The following TFRC variants were observed in gnomAD, a reference collection of about 807,000 sequenced individuals.
TFRC encodes the protein transferrin receptor protein 1.
In TFRC, 35 loss-of-function variants were observed where a neutral mutation model predicts 85.8. The ratio of observed to expected loss-of-function variants is 0.41; its 90% CI spans 0.31 to 0.54. TFRC has a LOEUF of 0.54. Among genes scored for constraint, TFRC ranks in the 20% least tolerant of loss-of-function variants. The pLI is 0.31. For synonymous variants in TFRC, 362 were observed against 328.6 expected (o/e 1.10, Z -1.10); for missense variants, 828 against 921.5 (o/e 0.90, Z 1.31).
rs761126811 is a variant in TFRC at position 196,060,216 on chromosome 3, T to C, written c.1500A>G (p.Pro500=). The change falls in exon 14 of 19, where the codon CCA becomes CCG. Residue 500 remains proline, a synonymous_variant. Transcript: ENST00000360110. The part of the protein sequence containing the change: ...GTSNFKVSAS[P]LLYTLIEKTM... ...TTTTCTCAATAAGCGTATACAACAG[T>C]GGGCTGGCAGAAACCTTGAAGTTGC... The C allele has an allele frequency of 8.7e-6, 14 of 1,614,108 alleles. No homozygotes were observed. The South Asian group carries it at 1.5e-4, about 18-fold the overall frequency.
Position 196,065,434 on chromosome 3 carries a change from G to GGGGGGGGGT in TFRC, c.1198+8_1198+9insACCCCCCCC, listed in dbSNP as rs2108646724. The stretch of plus-strand genomic sequence containing the variant: ...AAGCGGGGCGGGGGGGGGGGGGGGC[G>GGGGGGGGGT]GTCTTTACCTGGTTCTACAAAGCCT... On this transcript the variant is annotated intron_variant, in intron 10 of 18. Coordinates refer to ENST00000360110, the MANE Select transcript of TFRC (RefSeq NM_001128148.3). The GGGGGGGGGT allele has an allele frequency of 4.8e-6, 3 of 621,578 alleles. No homozygotes were observed. The highest frequency in any genetic ancestry group is 5.4e-5 in the Admixed American group (1 of 18,544). The allele number at this position is 621,578 out of a possible 1,614,324, so 38.5% of individuals were successfully genotyped here.
intron 3 of TFRC, 104 bp downstream of exon 3, chr3:196,075,046 CAAAAAAAAA>C: frequency 2.3e-5 from 12 of 529,630 alleles, no homozygotes; most frequent in Non-Finnish European, 3.2e-5. Context: ...CCTCTGTCTC[CAAAAAAAAA>C]AAAAAAAAAA....
At chr3:196,052,877 C>A (rs1490179696) in intron 18 of TFRC, among the ~76,000 whole-genome samples, 1 of 152,012 alleles carries the variant, frequency 6.6e-6, no homozygotes, top group Non-Finnish European at 1.5e-5. Context: ...CTTTGGGAGG[C>A]CAAGGCAGGT....
At chr3:196,078,999 T>G (rs1297460636) in intron 1 of TFRC, among the ~76,000 whole-genome samples, 1 of 152,064 alleles carries the variant, frequency 6.6e-6, no homozygotes, top group Admixed American at 6.6e-5. Context: ...GTCTGGAACT[T>G]CTGACCTAGG....
At chr3:196,069,362 T>G in intron 7 of TFRC, 93 bp downstream of exon 7, 1 of 767,402 alleles carries the variant, frequency 1.3e-6, no homozygotes, top group Non-Finnish European at 2.2e-6. Context: ...TTGCTGATTT[T>G]CAGAATGTAA....
intron 2 of TFRC, among the ~76,000 whole-genome samples, chr3:196,076,582 TGGGACTACA>T (rs1226335976): frequency 6.6e-6 from 1 of 152,040 alleles, no homozygotes; most frequent in Non-Finnish European, 1.5e-5. Flanking sequence ...CCCAAGTAGC[TGGGACTACA>T]GGCATGCGCC....
Position 196,069,514 on chromosome 3 carries a change from T to C in TFRC, c.742A>G (p.Thr248Ala), listed in dbSNP as rs1276565012. 8 of 1,613,478 alleles carry C rather than the reference T, an allele frequency of 5.0e-6. No individual in the cohort carries two copies. The highest frequency in any genetic ancestry group is 6.8e-6 in the Non-Finnish European group (8 of 1,179,774). The change falls in exon 7 of 19, where the codon ACT (threonine) becomes GCT (alanine). Residue 248 changes from threonine to alanine, a missense_variant. Coordinates refer to ENST00000360110, the MANE Select transcript of TFRC (RefSeq NM_001128148.3). ...ATCACTATAGATCCATTCACAGGAG[T>C]GTATAAATCCTCAAAATCTTTTTTA... ...GTKKDFEDLY[T>A]PVNGSIVIVR...
rs1429807753 is a variant in TFRC at position 196,052,122 on chromosome 3, G to C, written c.2103C>G (p.Phe701Leu). 3 of 1,613,974 alleles carry C rather than the reference G, an allele frequency of 1.9e-6. No individual in the cohort carries two copies. In the African/African-American group the frequency reaches 4.0e-5, roughly 22 times the overall value. Residue 701 changes from phenylalanine to leucine, a missense_variant, in exon 19 of 19, where the codon TTC becomes TTG. By Grantham distance (22) the Phe-to-Leu change is conservative. Coordinates refer to ENST00000360110, the MANE Select transcript of TFRC (RefSeq NM_001128148.3). ...GCAGCGTGTGAGAGCCGGAGCCCCA[G>C]AAGACATGTCGGAAAGGAGACTCTT... ...SPKESPFRHV[F>L]WGSGSHTLPA...
At chr3:196,054,991 CCCTT>C (rs1236083592) in intron 17 of TFRC, 85 bp downstream of exon 17, 12 of 1,271,814 alleles carry the variant, frequency 9.4e-6, no homozygotes, top group Non-Finnish European at 1.4e-5. Flanking sequence ...GCTACAATCA[CCCTT>C]CCAACAGGAA....
chr3:196,061,678 C>T (rs373631235), intron 13 of TFRC, among the ~76,000 whole-genome samples: 15 of 152,066 alleles, frequency 9.9e-5, no homozygotes, highest in African/African-American at 3.6e-4. Context: ...TTAGTAGAGA[C>T]GGGGTTTCAC....
chr3:196,058,668 T>C (rs1049983236), intron 14 of TFRC, 36 bp from the exon 15 acceptor site: 5 of 1,508,178 alleles, frequency 3.3e-6, no homozygotes, highest in Admixed American at 1.8e-5. Context: ...AACTAACCTT[T>C]TGGAACTTAT....
chr3:196,061,839 G>C (rs41297467), intron 13 of TFRC, among the ~76,000 whole-genome samples: 1 of 152,174 alleles, frequency 6.6e-6, no homozygotes, highest in African/African-American at 2.4e-5. Flanking sequence ...TCAAAGGTCT[G>C]GGGTAGACAT....
intron 5 of TFRC, 44 bp from the exon 6 acceptor site, chr3:196,071,542 C>T (rs1718209362): frequency 6.5e-7 from 1 of 1,544,106 alleles, no homozygotes; most frequent in Non-Finnish European, 8.9e-7. Flanking sequence ...GTCATCCTTC[C>T]AAAAAACACA....
chr3:196,053,566 A>G lies in TFRC; in HGVS notation c.1900-8T>C, dbSNP rs1048810326. 3 of 1,613,882 alleles carry G rather than the reference A, an allele frequency of 1.9e-6. No individual in the cohort carries two copies. In the African/African-American group the frequency reaches 4.0e-5, roughly 22 times the overall value. ...TAAACTCAGGCCCATTTCCTGAAACAGACATTATTCGCTATGAGAAGTTTT... is the reference window on the plus strand; with the variant it reads ...TAAACTCAGGCCCATTTCCTGAAACGGACATTATTCGCTATGAGAAGTTTT... On this transcript the variant is annotated splice_polypyrimidine_tract_variant and splice_region_variant and intron_variant, in intron 17 of 18. Coordinates refer to ENST00000360110, the MANE Select transcript of TFRC (RefSeq NM_001128148.3).
chr3:196,062,475 G>A, intron 13 of TFRC, 107 bp downstream of exon 13: 5 of 961,686 alleles, frequency 5.2e-6, no homozygotes, highest in South Asian at 1.4e-5. Context: ...AGAGGTTGCA[G>A]TGAGCCGAGA....
intron 13 of TFRC, among the ~76,000 whole-genome samples, chr3:196,061,735 C>A (rs544020400): frequency 6.6e-6 from 1 of 152,318 alleles, no homozygotes; most frequent in East Asian, 1.9e-4. Flanking sequence ...GGTGATCCGC[C>A]TGCCTTGGCC....
At chr3:196,076,575 A>G (rs185624247) in intron 2 of TFRC, among the ~76,000 whole-genome samples, 181 of 151,150 alleles carry the variant, frequency 1.2e-3, no homozygotes, top group South Asian at 7.5e-3. Flanking sequence ...TCAGCCTCCC[A>G]AGTAGCTGGG....
intron 1 of TFRC, among the ~76,000 whole-genome samples, chr3:196,078,119 A>G (rs972999005): frequency 6.6e-6 from 1 of 152,196 alleles, no homozygotes; most frequent in Non-Finnish European, 1.5e-5. Context: ...CTCTGTAATC[A>G]AAGTCCTAAG....
chr3:196,074,606 G>A (rs1336520591), intron 3 of TFRC, among the ~76,000 whole-genome samples: 3 of 152,142 alleles, frequency 2.0e-5, no homozygotes, highest in Admixed American at 2.0e-4. Context: ...AAGTGGACGG[G>A]AAAGTGGCTC....
Sources: allele counts gnomAD v4.1 joint callset (sites outside exome capture counted in the v4.1 genomes callset), GRCh38; gene constraint gnomAD v4.1.1; transcripts MANE v1.5; gene names NCBI Gene and HGNC (gene_info 2026-07-23, HGNC 2026-07-21).